Variants in ARHGEF38 observed in about 807,000 individuals in gnomAD.
ARHGEF38 encodes Rho guanine nucleotide exchange factor 38.
A neutral mutation model predicts 79.9 loss-of-function variants in ARHGEF38; 79 were observed. The observed-to-expected ratio is 0.99, with a 90% CI of 0.82 to 1.19. ARHGEF38 has a LOEUF of 1.19. Ranked by LOEUF, ARHGEF38 falls within the 50% of genes most tolerant of loss-of-function variation. The pLI is 0.00. For synonymous variants in ARHGEF38, 366 were observed against 328.3 expected, an observed-to-expected ratio of 1.11 and a Z score of -1.24; for missense variants, 962 against 907.2, an observed-to-expected ratio of 1.06 and a Z score of -0.78.
intron 2 of ARHGEF38, among the ~76,000 whole-genome samples, chr4:105,597,748 A>T (rs541256568): frequency 6.6e-6 from 1 of 152,110 alleles, no homozygotes; most frequent in Non-Finnish European, 1.5e-5. Flanking sequence ...CACACATTCT[A>T]TTGTTTTGCA....
rs946966814 is a variant in ARHGEF38 at position 105,570,944 on chromosome 4, G to A, written c.196+17983G>A. 3.9e-5 allele frequency among the ~76,000 whole-genome samples: 6 copies of A among 152,218 alleles called. No individual in the cohort carries two copies. In the South Asian group the frequency reaches 6.2e-4, roughly 16 times the overall value. On this transcript the variant is annotated intron_variant, in intron 1 of 13. Coordinates refer to ENST00000420470, the MANE Select transcript of ARHGEF38 (RefSeq NM_001242729.2). ...CACAAAAGGACAAATACTGTATGAC[G>A]CTACTTATATGAAGTACATACTAGT...
At chr4:105,561,449 G>GGAATGGAATGGAATGGAATGGAATA (rs1725566310) in intron 1 of ARHGEF38, 9 of 45,610 alleles carry the variant, frequency 2.0e-4, no homozygotes, top group Non-Finnish European at 3.4e-4. Context: ...AGAATAGAAT[G>GGAATGGAATGGAATGGAATGGAATA]GAATAGAATA....
intron 2 of ARHGEF38, among the ~76,000 whole-genome samples, chr4:105,594,022 G>GCTAT (rs1403492689): frequency 1.4e-4 from 22 of 152,244 alleles, no homozygotes; most frequent in Admixed American, 1.3e-3. Flanking sequence ...TTGTTATTTA[G>GCTAT]CTATCTTTCA....
intron 9 of ARHGEF38, among the ~76,000 whole-genome samples, chr4:105,656,740 T>A (rs983018415): frequency 6.6e-6 from 1 of 152,126 alleles, no homozygotes; most frequent in Non-Finnish European, 1.5e-5. Context: ...TGGTGGAGGA[T>A]GTTCAGCATT....
intron 13 of ARHGEF38, among the ~76,000 whole-genome samples, chr4:105,674,952 A>G (rs1731069143): frequency 6.6e-6 from 1 of 152,172 alleles, no homozygotes; most frequent in African/African-American, 2.4e-5. Context: ...CCTATTATTT[A>G]TAAAAATTAT....
chr4:105,672,961 T>C (rs1017939389), intron 13 of ARHGEF38, among the ~76,000 whole-genome samples: 2 of 152,184 alleles, frequency 1.3e-5, no homozygotes, highest in Admixed American at 1.3e-4. Flanking sequence ...TAGGTGAGCA[T>C]CTCTCTGGCT....
chr4:105,665,278 A>G (rs1194023961), intron 10 of ARHGEF38, among the ~76,000 whole-genome samples: 1 of 151,962 alleles, frequency 6.6e-6, no homozygotes, highest in African/African-American at 2.4e-5. Context: ...GCGGATCATG[A>G]GATCAGGAGA....
At chr4:105,565,528 C>T (rs988986002) in intron 1 of ARHGEF38, among the ~76,000 whole-genome samples, 2 of 151,958 alleles carry the variant, frequency 1.3e-5, no homozygotes, top group African/African-American at 2.4e-5. Context: ...CTGGGGGTTT[C>T]GTAATGATCT....
chr4:105,610,592 G>A lies in ARHGEF38; in HGVS notation c.385-2792G>A, dbSNP rs375101677. Among the ~76,000 whole-genome samples, 17 of 151,962 alleles carry A rather than the reference G, an allele frequency of 1.1e-4. No individual in the cohort carries two copies. In the East Asian group the frequency reaches 1.2e-3, roughly 10 times the overall value. ...TCATCTATCAGTTTTAAAAGTCTAC[G>A]TGTACCAGACATTTGTTTGTTCCTT... is the stretch of plus-strand genomic sequence containing the variant. On this transcript the variant is annotated intron_variant, in intron 2 of 13. Coordinates refer to ENST00000420470, the MANE Select transcript of ARHGEF38 (RefSeq NM_001242729.2).
intron 2 of ARHGEF38, among the ~76,000 whole-genome samples, chr4:105,605,130 A>T (rs1727985711): frequency 6.6e-6 from 1 of 152,124 alleles, no homozygotes; most frequent in Non-Finnish European, 1.5e-5. Flanking sequence ...CTGCTGAGTA[A>T]CTTCTTTTCT....
At chr4:105,614,007 G>A (rs1210671925) in intron 3 of ARHGEF38, among the ~76,000 whole-genome samples, 1 of 151,400 alleles carries the variant, frequency 6.6e-6, no homozygotes, top group Admixed American at 6.6e-5. Context: ...CTTTTTTTCT[G>A]TATTATTTAC....
At chr4:105,572,184 C>CCACATT (rs1553937055) in intron 1 of ARHGEF38, among the ~76,000 whole-genome samples, 2 of 151,988 alleles carry the variant, frequency 1.3e-5, no homozygotes, top group Non-Finnish European at 2.9e-5. Flanking sequence ...GCCTTGCACT[C>CCACATT]CAAATAAAAA....
chr4:105,633,477 C>T (rs996644818), intron 4 of ARHGEF38, among the ~76,000 whole-genome samples: 10 of 152,316 alleles, frequency 6.6e-5, no homozygotes, highest in African/African-American at 2.2e-4. Flanking sequence ...ATTACTGTCA[C>T]TCTGCCTTTT....
intron 1 of ARHGEF38, 134 bp from the exon 2 acceptor site, chr4:105,589,114 C>A: frequency 3.0e-6 from 2 of 667,278 alleles, no homozygotes; most frequent in South Asian, 2.4e-5. Context: ...CCATATATCA[C>A]TTCCTAAGAA....
At position 105,631,389 on chromosome 4, in the gene ARHGEF38, T is replaced by A. The variant is rs1032900377; in HGVS notation, c.656+344T>A. The A allele has an allele frequency of 4.0e-6, 4 of 999,058 alleles. No homozygotes were observed. The African/African-American group carries it at 5.2e-5, about 13-fold the overall frequency. The allele number at this position is 999,058 out of a possible 1,614,324, so 61.9% of individuals were successfully genotyped here. On this transcript the variant is annotated intron_variant, in intron 4 of 13. Transcript: ENST00000420470. ...TTCAAGGATTATGTGAGATAACACGTGGCCCCATGACCACTGGAGCACATG... is the reference window on the plus strand; with the variant it reads ...TTCAAGGATTATGTGAGATAACACGAGGCCCCATGACCACTGGAGCACATG...
intron 1 of ARHGEF38, among the ~76,000 whole-genome samples, chr4:105,569,533 G>A (rs1249517115): frequency 3.3e-5 from 5 of 152,310 alleles, no homozygotes; most frequent in Middle Eastern, 6.8e-3. Flanking sequence ...AATCATGGTC[G>A]TAAAAACAAT....
intron 2 of ARHGEF38, among the ~76,000 whole-genome samples, chr4:105,590,650 T>A (rs1003393348): frequency 1.3e-5 from 2 of 152,216 alleles, no homozygotes; most frequent in African/African-American, 4.8e-5. Flanking sequence ...CCTTATATCC[T>A]TAGAATAAAT....
intron 3 of ARHGEF38, among the ~76,000 whole-genome samples, chr4:105,620,613 G>T (rs538429397): frequency 6.6e-6 from 1 of 152,290 alleles, no homozygotes; most frequent in Non-Finnish European, 1.5e-5. Flanking sequence ...AAACAAGTCA[G>T]ATTTGCTGGA....
At chr4:105,577,017 T>C (rs1726535848) in intron 1 of ARHGEF38, among the ~76,000 whole-genome samples, 1 of 152,154 alleles carries the variant, frequency 6.6e-6, no homozygotes, top group Non-Finnish European at 1.5e-5. Flanking sequence ...TTCAGCTAGC[T>C]AGTATTTTAT....
Sources: allele counts gnomAD v4.1 joint callset (sites outside exome capture counted in the v4.1 genomes callset), GRCh38; gene constraint gnomAD v4.1.1; transcripts MANE v1.5; gene names NCBI Gene and HGNC (gene_info 2026-07-23, HGNC 2026-07-21).